EXOC2: variants seen among roughly 807,000 people sequenced by gnomAD.
EXOC2 encodes SEC5-like 1.
Under a neutral mutation model 131.8 loss-of-function variants are expected in EXOC2, and 70 were observed. The ratio of observed to expected loss-of-function variants is 0.53; its 90% CI spans 0.44 to 0.65. The LOEUF is 0.65. Among genes scored for constraint, EXOC2 ranks in the 30% least tolerant of loss-of-function variants. EXOC2 has a pLI of 0.00. For synonymous variants in EXOC2, 411 were observed against 398.4 expected, an observed-to-expected ratio of 1.03 and a Z score of -0.38; for missense variants, 923 against 1,108.6, an observed-to-expected ratio of 0.83 and a Z score of 2.38.
chr6:604,644 A>G (rs530241171), intron 7 of EXOC2, among the ~76,000 whole-genome samples: 97 of 151,924 alleles, frequency 6.4e-4, no homozygotes, highest in Admixed American at 1.3e-3. Flanking sequence ...CACCTCTCCT[A>G]TCTGCACACA....
intron 11 of EXOC2, among the ~76,000 whole-genome samples, chr6:577,254 C>T (rs1267573817): frequency 6.6e-6 from 1 of 152,154 alleles, no homozygotes; most frequent in Non-Finnish European, 1.5e-5. Flanking sequence ...CTTAATGCCA[C>T]ACTTTACACT....
intron 13 of EXOC2, among the ~76,000 whole-genome samples, chr6:568,228 C>T (rs1758081371): frequency 6.6e-6 from 1 of 152,186 alleles, no homozygotes; most frequent in Non-Finnish European, 1.5e-5. Context: ...CACGGCAGAA[C>T]CTCTCCGGGA....
At chr6:654,833 A>AAAAAG in intron 1 of EXOC2, among the ~76,000 whole-genome samples, 1 of 141,806 alleles carries the variant, frequency 7.1e-6, no homozygotes, top group African/African-American at 2.6e-5. Context: ...AAAAAAAAAA[A>AAAAAG]AAAAGTAGAG....
At chr6:621,225 G>A (rs1761274455) in intron 4 of EXOC2, among the ~76,000 whole-genome samples, 1 of 152,196 alleles carries the variant, frequency 6.6e-6, no homozygotes, top group East Asian at 1.9e-4. Flanking sequence ...GTGTCTCACA[G>A]CTGCAGGGAA....
intron 11 of EXOC2, among the ~76,000 whole-genome samples, chr6:583,919 G>A (rs1368912412): frequency 1.3e-5 from 2 of 152,178 alleles, no homozygotes; most frequent in African/African-American, 2.4e-5. Context: ...ATCTGTGCTC[G>A]CTGCAGTTGT....
intron 12 of EXOC2, among the ~76,000 whole-genome samples, chr6:573,194 AAAACTAGAAACGTTG>A (rs1758382916): frequency 6.6e-6 from 1 of 152,232 alleles, no homozygotes; most frequent in Non-Finnish European, 1.5e-5. Context: ...AAATTTAAGA[AAAACTAGAAACGTTG>A]AAACCTCTTT....
intron 17 of EXOC2, among the ~76,000 whole-genome samples, chr6:560,752 G>A (rs1757655851): frequency 6.6e-6 from 1 of 151,236 alleles, no homozygotes; most frequent in Non-Finnish European, 1.5e-5. Flanking sequence ...TTGTTGCCCA[G>A]GCTGGAGTGC....
At chr6:688,180 G>A (rs1482501757) in intron 1 of EXOC2, among the ~76,000 whole-genome samples, 1 of 152,204 alleles carries the variant, frequency 6.6e-6, no homozygotes, top group African/African-American at 2.4e-5. Flanking sequence ...TGTAAATGAT[G>A]TGAAAGGATG....
chr6:499,430 AACACACACACACACAC>A (rs5873755), intron 24 of EXOC2, among the ~76,000 whole-genome samples, 199 bp downstream of exon 24: 104 of 141,740 alleles, frequency 7.3e-4, no homozygotes, highest in Admixed American at 3.0e-3. Context: ...CTCACAGTTA[AACACACACACACACAC>A]ACACACACAC....
At position 569,605 on chromosome 6, in the gene EXOC2, G is replaced by A. The variant is rs78146288; in HGVS notation, c.1443+2915C>T. 3.3e-4 allele frequency among the ~76,000 whole-genome samples: 50 copies of A among 152,300 alleles called. 1 individual carries two copies. In the East Asian group the frequency reaches 4.0e-3, roughly 12 times the overall value. The stretch of plus-strand genomic sequence containing the variant: ...AGCTTCTGGGTTTCACTTGCAGACC[G>A]GCAAGGGAAGCAAGTGTCCCCAGCT... On this transcript the variant is annotated intron_variant, in intron 13 of 27. Transcript: ENST00000230449.
intron 23 of EXOC2, among the ~76,000 whole-genome samples, chr6:530,842 C>T (rs374334827): frequency 3.9e-5 from 6 of 152,342 alleles, no homozygotes; most frequent in South Asian, 4.1e-4. Context: ...CAGATGGCTG[C>T]ATCTGTACTG....
intron 1 of EXOC2, among the ~76,000 whole-genome samples, chr6:671,165 T>C (rs1387869620): frequency 1.3e-5 from 2 of 151,696 alleles, no homozygotes; most frequent in Non-Finnish European, 2.9e-5. Flanking sequence ...GAGACCAGTC[T>C]GGCCAACATG....
At chr6:687,783 C>A (rs962077063) in intron 1 of EXOC2, among the ~76,000 whole-genome samples, 13 of 152,150 alleles carry the variant, frequency 8.5e-5, no homozygotes, top group African/African-American at 3.1e-4. Context: ...CCAGACAGCA[C>A]TGGGATGGGT....
intron 23 of EXOC2, among the ~76,000 whole-genome samples, chr6:529,623 T>G (rs1371263012): frequency 6.6e-6 from 1 of 152,160 alleles, no homozygotes; most frequent in African/African-American, 2.4e-5. Context: ...TTTAATAGCC[T>G]TGAACATAAC....
rs375118740 is a variant in EXOC2, at chr6:491,110, A to T, written c.2621+15T>A. ...TTTTTAATAGAGCACTCAACTAAAG[A>T]ACACTGCCACTTACTTGCTTTCGGG... is the stretch of plus-strand genomic sequence containing the variant. On this transcript the variant is annotated intron_variant, in intron 26 of 27. Coordinates refer to ENST00000230449, the MANE Select transcript of EXOC2 (RefSeq NM_018303.6). The T allele has an allele frequency of 6.2e-7, 1 of 1,613,814 alleles. No individual in the cohort carries two copies. The highest frequency in any genetic ancestry group is 1.3e-5 in the African/African-American group (1 of 74,932).
chr6:687,670 T>G (rs553004764), intron 1 of EXOC2, among the ~76,000 whole-genome samples: 1 of 152,288 alleles, frequency 6.6e-6, no homozygotes, highest in South Asian at 2.1e-4. Context: ...ATTATACACT[T>G]GCTATGTCCC....
At chr6:573,925 C>T (rs529990121) in intron 12 of EXOC2, among the ~76,000 whole-genome samples, 11 of 152,224 alleles carry the variant, frequency 7.2e-5, no homozygotes, top group African/African-American at 2.6e-4. Flanking sequence ...GTGTTTTTCT[C>T]CCTCCCAACT....
At chr6:636,608 AG>A (rs1762112814) in intron 2 of EXOC2, among the ~76,000 whole-genome samples, 1 of 152,246 alleles carries the variant, frequency 6.6e-6, no homozygotes, top group African/African-American at 2.4e-5. Flanking sequence ...GTCATAATGC[AG>A]GAAAAGCAAG....
At chr6:621,520 C>A (rs1016745084) in intron 4 of EXOC2, among the ~76,000 whole-genome samples, 2 of 152,180 alleles carry the variant, frequency 1.3e-5, no homozygotes, top group African/African-American at 4.8e-5. Flanking sequence ...ACAGGGCGTC[C>A]CATTCACATT....
Sources: allele counts gnomAD v4.1 joint callset (sites outside exome capture counted in the v4.1 genomes callset), GRCh38; gene constraint gnomAD v4.1.1; transcripts MANE v1.5; gene names NCBI Gene and HGNC (gene_info 2026-07-23, HGNC 2026-07-21).